Variants in GRM7 observed in about 807,000 individuals in gnomAD.
The protein encoded by GRM7 is glutamate metabotropic receptor 7.
A neutral mutation model predicts 84.5 loss-of-function variants in GRM7; 35 were observed. The ratio of observed to expected loss-of-function variants is 0.41; its 90% CI spans 0.32 to 0.55. The LOEUF (loss-of-function observed/expected upper bound fraction) is 0.55, where lower values mean the gene tolerates loss of function less well. GRM7 is among the 20% of genes least tolerant of loss of function. The pLI, the probability that GRM7 is intolerant of heterozygous loss-of-function variation, is 0.19. For missense variants in GRM7, 1,003 were observed against 1,194.6 expected, an observed-to-expected ratio of 0.84 and a Z score of 2.36; for synonymous variants, 487 against 455.1, an observed-to-expected ratio of 1.07 and a Z score of -0.89.
chr3:7,343,623 C>G (rs1692753916), intron 4 of GRM7, among the ~76,000 whole-genome samples: 1 of 152,306 alleles, frequency 6.6e-6, no homozygotes, highest in East Asian at 1.9e-4. Context: ...AAAGCCAACA[C>G]TTGTCATAGT....
rs182108382 is a variant in GRM7, at chr3:7,188,534, C to T, written c.736+41866C>T. 6.6e-6 allele frequency among the ~76,000 whole-genome samples: 1 copy of T among 151,994 alleles called. No homozygotes were observed. The highest frequency in any genetic ancestry group is 1.5e-5 in the Non-Finnish European group (1 of 68,002). On this transcript the variant is annotated intron_variant, in intron 2 of 9. Transcript: ENST00000357716. This position sits in a 1 kb window ranked among gnomAD's most constrained non-coding sequence, Gnocchi z 4.2. ...CCTCAAAACCTAAAATATTTACTAT[C>T]TAGAAATTTACAAAAAATGTTGCCT...
At chr3:7,600,191 G>A (rs972231922) in intron 8 of GRM7, among the ~76,000 whole-genome samples, 1 of 152,024 alleles carries the variant, frequency 6.6e-6, no homozygotes, top group African/African-American at 2.4e-5. Flanking sequence ...GTTTTCGGTG[G>A]TTACTTAAAA....
At chr3:7,237,193 A>G (rs948937905) in intron 2 of GRM7, among the ~76,000 whole-genome samples, 1 of 152,172 alleles carries the variant, frequency 6.6e-6, no homozygotes, top group Admixed American at 6.5e-5. Context: ...GCACAAGTCA[A>G]AAGTCTATAT....
At chr3:7,578,399 C>A (rs780632777) in intron 7 of GRM7, 23 bp from the exon 8 acceptor site, 5 of 1,496,858 alleles carry the variant, frequency 3.3e-6, no homozygotes, top group Middle Eastern at 1.7e-4. Flanking sequence ...GCCTGATTCA[C>A]CTTCTTATTT....
chr3:7,054,384 GAT>G (rs1292086370), intron 1 of GRM7, among the ~76,000 whole-genome samples: 3 of 149,128 alleles, frequency 2.0e-5, no homozygotes, highest in Middle Eastern at 3.3e-3. Flanking sequence ...TATCTTTTAT[GAT>G]ATATATATCA....
intron 8 of GRM7, among the ~76,000 whole-genome samples, chr3:7,604,552 C>T (rs1168594561): frequency 6.6e-6 from 1 of 152,112 alleles, no homozygotes; most frequent in African/African-American, 2.4e-5. Context: ...AATGCTCAGA[C>T]CCCGTAAAGC....
intron 7 of GRM7, among the ~76,000 whole-genome samples, chr3:7,557,487 G>C (rs536283981): frequency 6.6e-6 from 1 of 152,194 alleles, no homozygotes; most frequent in South Asian, 2.1e-4. Context: ...AGGAAGAAAA[G>C]AAAAATAAGT....
chr3:7,551,207 T>A (rs549407018), intron 7 of GRM7, among the ~76,000 whole-genome samples: 5 of 152,236 alleles, frequency 3.3e-5, no homozygotes, highest in African/African-American at 1.2e-4. Flanking sequence ...CAGAGGAAAA[T>A]TTGTTTTCTG....
At chr3:6,871,118 G>A (rs1246179427) in intron 1 of GRM7, among the ~76,000 whole-genome samples, 6 of 152,104 alleles carry the variant, frequency 3.9e-5, no homozygotes, top group African/African-American at 1.4e-4. Flanking sequence ...CAGTAAAACT[G>A]AACAAAACAG....
intron 1 of GRM7, among the ~76,000 whole-genome samples, chr3:6,909,702 A>T (rs530676466): frequency 6.6e-6 from 1 of 152,116 alleles, no homozygotes; most frequent in African/African-American, 2.4e-5. Context: ...ACCCCAGTCT[A>T]TCATGACATT....
chr3:7,052,751 G>C (rs1697055816), intron 1 of GRM7, among the ~76,000 whole-genome samples: 1 of 119,448 alleles, frequency 8.4e-6, no homozygotes, highest in South Asian at 2.6e-4. Context: ...TTGCCAGGTA[G>C]TATTTTTTTG....
intron 1 of GRM7, among the ~76,000 whole-genome samples, chr3:7,103,588 C>T (rs1432042027): frequency 6.6e-6 from 1 of 151,766 alleles, no homozygotes; most frequent in African/African-American, 2.4e-5. Context: ...TTAATTACAA[C>T]ATTGGGTCTT....
chr3:7,186,197 G>C (rs868805649), intron 2 of GRM7, among the ~76,000 whole-genome samples: 1 of 152,182 alleles, frequency 6.6e-6, no homozygotes, highest in African/African-American at 2.4e-5. Flanking sequence ...GAGAAGCAGT[G>C]CAATGAACTA....
intron 7 of GRM7, among the ~76,000 whole-genome samples, chr3:7,489,647 T>G (rs1430958442): frequency 6.6e-6 from 1 of 152,186 alleles, no homozygotes; most frequent in East Asian, 1.9e-4. Flanking sequence ...CACAGTAGCA[T>G]GACTCATCAT....
chr3:7,614,514 T>A (rs902030224), intron 8 of GRM7, among the ~76,000 whole-genome samples: 4 of 152,210 alleles, frequency 2.6e-5, no homozygotes, highest in Non-Finnish European at 5.9e-5. Flanking sequence ...TCAACTGTGT[T>A]CTTCTACTTA....
At position 7,146,546 on chromosome 3, in the gene GRM7, A is replaced by G. The variant is rs773624598; in HGVS notation, c.614A>G (p.Gln205Arg). 1 of 1,613,816 alleles carries G rather than the reference A, an allele frequency of 6.2e-7. No individual in the cohort carries two copies. The change falls in exon 2 of 10, where the codon CAA becomes CGA. Residue 205 changes from glutamine (Q) to arginine (R), a missense_variant. Gln to Arg is a conservative substitution (Grantham distance 43). Around this residue, in one of 2 missense-constraint regions of GRM7, gnomAD observed 910 missense variants for 1,126.0 expected, o/e 0.81. Transcript: ENST00000357716. ...CGCGTGGTGCCACCCGATTCCTTCC[A>G]AGCCCAGGCCATGGTAGACATTGTA... ...FSRVVPPDSF[Q>R]AQAMVDIVKA...
intron 4 of GRM7, among the ~76,000 whole-genome samples, chr3:7,348,029 G>A (rs73113763): frequency 6.6e-6 from 1 of 152,108 alleles, no homozygotes; most frequent in Non-Finnish European, 1.5e-5. Flanking sequence ...GAGGCACTTA[G>A]CAGATGACTC....
chr3:7,198,552 T>A (rs1441314479), intron 2 of GRM7, among the ~76,000 whole-genome samples: 1 of 152,124 alleles, frequency 6.6e-6, no homozygotes, highest in Non-Finnish European at 1.5e-5. Context: ...TCAAAATACA[T>A]TTACTAAACC....
At chr3:6,962,800 A>G (rs1184084267) in intron 1 of GRM7, among the ~76,000 whole-genome samples, 1 of 152,248 alleles carries the variant, frequency 6.6e-6, no homozygotes, top group Non-Finnish European at 1.5e-5. Context: ...GGACAGTTCC[A>G]GGTTTCATCA....
Sources: allele counts gnomAD v4.1 joint callset (sites outside exome capture counted in the v4.1 genomes callset), GRCh38; gene constraint gnomAD v4.1.1; regional missense constraint gnomAD v4.1.1; non-coding constraint Gnocchi (gnomAD v3.1); transcripts MANE v1.5; gene names NCBI Gene and HGNC (gene_info 2026-07-23, HGNC 2026-07-21).